The following ZNF804B variants were observed in gnomAD, a reference collection of about 807,000 sequenced individuals.
The protein encoded by ZNF804B is zinc finger protein 804B.
In ZNF804B, 80 loss-of-function variants were observed where a neutral mutation model predicts 101.4. That is an observed-to-expected ratio of 0.79 (90% CI 0.66 to 0.95). The LOEUF (loss-of-function observed/expected upper bound fraction) is 0.95, where lower values mean the gene tolerates loss of function less well. Ranked by LOEUF, ZNF804B falls within the 40% of genes least tolerant of loss-of-function variation. The probability of loss-of-function intolerance (pLI) is 0.00; values close to 1 mark genes in which losing one functional copy is unlikely to be tolerated. For missense variants in ZNF804B, 1,673 were observed against 1,561.9 expected, an observed-to-expected ratio of 1.07 and a Z score of -1.20; for synonymous variants, 622 against 558.8, an observed-to-expected ratio of 1.11 and a Z score of -1.59.
At chr7:88,990,655 A>G (rs1279144661) in intron 1 of ZNF804B, among the ~76,000 whole-genome samples, 2 of 152,138 alleles carry the variant, frequency 1.3e-5, no homozygotes, top group Admixed American at 6.6e-5. Flanking sequence ...CAACAGTTTC[A>G]TATAAATATT....
At chr7:89,185,259 A>G (rs1370950324) in intron 1 of ZNF804B, among the ~76,000 whole-genome samples, 1 of 152,182 alleles carries the variant, frequency 6.6e-6, no homozygotes, top group Admixed American at 6.5e-5. Context: ...CTTGATTTGG[A>G]CTTTGAAGGA....
chr7:89,005,628 A>C (rs577991516), intron 1 of ZNF804B, among the ~76,000 whole-genome samples: 63 of 152,224 alleles, frequency 4.1e-4, no homozygotes, highest in African/African-American at 1.5e-3. Context: ...CTACTCTTAC[A>C]AATCCTAGAT....
chr7:89,273,555 G>C (rs1789931065), intron 2 of ZNF804B, among the ~76,000 whole-genome samples: 1 of 152,100 alleles, frequency 6.6e-6, no homozygotes, highest in South Asian at 2.1e-4. Context: ...CAAACAACAT[G>C]CTCAGTTTAA....
intron 1 of ZNF804B, among the ~76,000 whole-genome samples, chr7:89,026,989 G>T (rs1030221316): frequency 6.6e-6 from 1 of 151,876 alleles, no homozygotes; most frequent in African/African-American, 2.4e-5. Flanking sequence ...AAGAAAAGTT[G>T]GCCTTAGAAT....
At chr7:88,958,754 T>G (rs775865446) in intron 1 of ZNF804B, among the ~76,000 whole-genome samples, 27 of 151,440 alleles carry the variant, frequency 1.8e-4, no homozygotes, top group Non-Finnish European at 3.5e-4. Flanking sequence ...ATTCTCATGA[T>G]GTAGGATGCT....
intron 1 of ZNF804B, among the ~76,000 whole-genome samples, chr7:89,074,986 G>C (rs1219683476): frequency 6.6e-6 from 1 of 152,140 alleles, no homozygotes; most frequent in Non-Finnish European, 1.5e-5. Flanking sequence ...CTTTGAACTT[G>C]AGAAAGATGA....
intron 1 of ZNF804B, among the ~76,000 whole-genome samples, chr7:88,998,182 C>T (rs916575506): frequency 6.6e-6 from 1 of 152,080 alleles, no homozygotes; most frequent in South Asian, 2.1e-4. Flanking sequence ...TTCCTCTGGT[C>T]CTCCTTCTTT....
At chr7:89,285,122 G>A (rs1019792576) in intron 2 of ZNF804B, among the ~76,000 whole-genome samples, 1 of 152,094 alleles carries the variant, frequency 6.6e-6, no homozygotes, top group Non-Finnish European at 1.5e-5. Flanking sequence ...GGAAGGCTGA[G>A]GCAGGAGGAT....
chr7:89,221,806 C>G (rs1186922934), intron 2 of ZNF804B, among the ~76,000 whole-genome samples: 1 of 150,990 alleles, frequency 6.6e-6, no homozygotes, highest in Non-Finnish European at 1.5e-5. Context: ...TGTTTATTGA[C>G]TTTCTGTCAT....
At chr7:88,945,385 G>T (rs1584031383) in intron 1 of ZNF804B, among the ~76,000 whole-genome samples, 5 of 152,198 alleles carry the variant, frequency 3.3e-5, no homozygotes, top group Non-Finnish European at 5.9e-5. Context: ...GTTTGTCAAA[G>T]ATCAGTTAGT....
chr7:88,778,294 C>T (rs1790175041), intron 1 of ZNF804B, among the ~76,000 whole-genome samples: 1 of 152,156 alleles, frequency 6.6e-6, no homozygotes, highest in South Asian at 2.1e-4. Flanking sequence ...GGGAAAAACT[C>T]TTTGCTTTAA....
At position 89,103,048 on chromosome 7, in the gene ZNF804B, G is replaced by GTTTTTTTTTTTTTTTTTTTTTTT. The variant is rs56693128; in HGVS notation, c.109-115094_109-115072dup. Among the ~76,000 whole-genome samples the GTTTTTTTTTTTTTTTTTTTTTTT allele has an allele frequency of 5.9e-5, 2 of 33,750 alleles. 1 individual carries two copies. 22.1% of individuals were successfully genotyped at this position (33,750 alleles called of 152,430 possible). A position where few individuals can be genotyped will look rare whatever the true frequency, so the allele number is the denominator to read the frequency against. ...TTCTATTCCATTGACCTATGTGTCT[G>GTTTTTTTTTTTTTTTTTTTTTTT]TTTTTTTTTTTTTTTTTTTTTTTTT... On this transcript the variant is annotated intron_variant, in intron 1 of 3. Transcript: ENST00000333190.
intron 1 of ZNF804B, among the ~76,000 whole-genome samples, chr7:88,853,590 G>C (rs557154034): frequency 6.6e-6 from 1 of 151,936 alleles, no homozygotes; most frequent in African/African-American, 2.4e-5. Context: ...TCTCTAAAAT[G>C]CTTAACTTTA....
chr7:89,217,447 G>T (rs1294187895), intron 1 of ZNF804B, among the ~76,000 whole-genome samples: 2 of 152,186 alleles, frequency 1.3e-5, no homozygotes, highest in Non-Finnish European at 2.9e-5. Context: ...GGGTTGTTGT[G>T]AGGAATGATG....
At chr7:88,951,735 C>A (rs1411150804) in intron 1 of ZNF804B, among the ~76,000 whole-genome samples, 1 of 151,800 alleles carries the variant, frequency 6.6e-6, no homozygotes, top group East Asian at 2.0e-4. Context: ...ATCAGACACT[C>A]ACCAATTGCA....
chr7:89,118,079 G>A (rs1266589523), intron 1 of ZNF804B, among the ~76,000 whole-genome samples: 1 of 152,114 alleles, frequency 6.6e-6, no homozygotes. Context: ...TCTTAGACCA[G>A]AAAGAAACTG....
At chr7:89,028,536 A>G (rs375018081) in intron 1 of ZNF804B, among the ~76,000 whole-genome samples, 2 of 152,238 alleles carry the variant, frequency 1.3e-5, no homozygotes, top group African/African-American at 2.4e-5. Context: ...GCCGTTTTCT[A>G]CTTCATCTGT....
At position 88,819,516 on chromosome 7, in the gene ZNF804B, C is replaced by T. The variant is rs866619655; in HGVS notation, c.108+59432C>T. 7.2e-5 allele frequency among the ~76,000 whole-genome samples: 11 copies of T among 152,188 alleles called. 1 individual carries two copies. The highest frequency in any genetic ancestry group is 6.8e-3 in the Middle Eastern group (2 of 294). On this transcript the variant is annotated intron_variant, in intron 1 of 3. Transcript: ENST00000333190. The stretch of plus-strand genomic sequence containing the variant: ...ACCTGAGGCATTTTGGGGCAGACAC[C>T]TCATGATAGATCCCACCAACTTCTT...
intron 1 of ZNF804B, among the ~76,000 whole-genome samples, chr7:89,165,929 G>A (rs1449235977): frequency 6.6e-6 from 1 of 152,078 alleles, no homozygotes; most frequent in Non-Finnish European, 1.5e-5. Context: ...TTATCAGAAT[G>A]TGTTTTGGGA....
Sources: gnomAD v4.1 joint callset for allele counts (sites outside exome capture counted in the v4.1 genomes callset) on GRCh38, gnomAD v4.1.1 for gene constraint, MANE v1.5 for transcripts, NCBI Gene and HGNC (gene_info 2026-07-23, HGNC 2026-07-21) for gene names.